Variants in PODXL observed in about 807,000 individuals in gnomAD.
The protein encoded by PODXL is podocalyxin.
In PODXL, 20 loss-of-function variants were observed where a neutral mutation model predicts 48.9. The observed-to-expected ratio is 0.41, with a 90% confidence interval of 0.29 to 0.59. The LOEUF (loss-of-function observed/expected upper bound fraction) is 0.59. Among genes scored for constraint, PODXL ranks in the 20% least tolerant of loss-of-function variants. The pLI, the probability that PODXL is intolerant of heterozygous loss-of-function variation, is 0.31. For synonymous variants in PODXL, 295 were observed against 287.4 expected (o/e 1.03, Z -0.27); for missense variants, 606 against 675.1 (o/e 0.90, Z 1.13).
chr7:131,538,148 C>T (rs149362028), intron 1 of PODXL, among the ~76,000 whole-genome samples: 135 of 152,258 alleles, frequency 8.9e-4, no homozygotes, highest in African/African-American at 3.0e-3. Flanking sequence ...AGGAGACCAG[C>T]TCCTGGCCCC....
At position 131,509,473 on chromosome 7, in the gene PODXL, C is replaced by T. The variant is rs1258646575; in HGVS notation, c.915G>A (p.Leu305=). ...TVQPTSPATA[L]RTPTLPETMS... ...TGGTCTCTGGCAGGGTAGGTGTTCTCAATGCCGTTGCCGGGCTCGTGGGCT... is the reference window on the plus strand; with the variant it reads ...TGGTCTCTGGCAGGGTAGGTGTTCTTAATGCCGTTGCCGGGCTCGTGGGCT... Residue 305 remains leucine, a synonymous_variant, in exon 4 of 9, where the codon TTG becomes TTA. Transcript: ENST00000378555. 5 of 1,613,994 alleles carry T rather than the reference C, an allele frequency of 3.1e-6. No homozygotes were observed. The highest frequency in any genetic ancestry group is 2.7e-5 in the African/African-American group (2 of 75,008).
At chr7:131,521,023 C>T (rs938605367) in intron 1 of PODXL, among the ~76,000 whole-genome samples, 3 of 152,150 alleles carry the variant, frequency 2.0e-5, no homozygotes, top group Admixed American at 6.5e-5. Flanking sequence ...CAAAAATTAG[C>T]CGGGCGTGGT....
At chr7:131,545,418 A>T (rs1798559345) in intron 1 of PODXL, among the ~76,000 whole-genome samples, 1 of 152,194 alleles carries the variant, frequency 6.6e-6, no homozygotes, top group Admixed American at 6.5e-5. Flanking sequence ...TTTACGCAGG[A>T]CTGTCTGGGT....
intron 1 of PODXL, among the ~76,000 whole-genome samples, chr7:131,530,504 G>A (rs975326057): frequency 2.6e-5 from 4 of 152,076 alleles, no homozygotes; most frequent in African/African-American, 9.7e-5. Flanking sequence ...CAGCAATTTG[G>A]GAAGCCAAGG....
chr7:131,526,228 G>A (rs1388927073), intron 1 of PODXL, among the ~76,000 whole-genome samples: 2 of 152,048 alleles, frequency 1.3e-5, no homozygotes, highest in Non-Finnish European at 2.9e-5. Context: ...AAAATGAAAC[G>A]AAGAGGAAGG....
At chr7:131,537,245 G>A (rs1404840369) in intron 1 of PODXL, among the ~76,000 whole-genome samples, 2 of 152,044 alleles carry the variant, frequency 1.3e-5, no homozygotes, top group African/African-American at 2.4e-5. Context: ...CCAGGAGGTC[G>A]AGGCTGCAGT....
chr7:131,510,026 C>T (rs1439888931), intron 3 of PODXL, among the ~76,000 whole-genome samples: 2 of 152,160 alleles, frequency 1.3e-5, no homozygotes, highest in Non-Finnish European at 2.9e-5. Context: ...CGGTGGCCTG[C>T]TGACTTCAGA....
At position 131,508,984 on chromosome 7, in the gene PODXL, C is replaced by A; in HGVS notation, c.1068G>T (p.Gln356His). 6.2e-7 allele frequency: 1 copy of A among 1,614,022 alleles called. No individual in the cohort carries two copies. The highest frequency in any genetic ancestry group is 8.5e-7 in the Non-Finnish European group (1 of 1,179,922). ...DLETQTQSEKQLVLNLTGNTL... is the reference protein window; with the variant it reads ...DLETQTQSEKHLVLNLTGNTL... ...TGTTTCCTGTGAGGTTCAGGACGAGCTGCTTCTCACTCTGTGTCTGTGTCT... is the reference window on the plus strand; with the variant it reads ...TGTTTCCTGTGAGGTTCAGGACGAGATGCTTCTCACTCTGTGTCTGTGTCT... The change falls in exon 5 of 9, where the codon CAG becomes CAT. Residue 356 changes from glutamine to histidine, a missense_variant. Gln to His is a conservative substitution (Grantham distance 24, BLOSUM62 0). Coordinates refer to ENST00000378555, the MANE Select transcript of PODXL (RefSeq NM_001018111.3).
At chr7:131,518,771 G>C (rs1041102770) in intron 1 of PODXL, among the ~76,000 whole-genome samples, 5 of 152,252 alleles carry the variant, frequency 3.3e-5, no homozygotes, top group African/African-American at 1.2e-4. Context: ...ACAGAAACGT[G>C]GCAGCCTGGA....
chr7:131,504,987 T>C (rs1474029369), intron 8 of PODXL, among the ~76,000 whole-genome samples: 1 of 152,154 alleles, frequency 6.6e-6, no homozygotes, highest in Non-Finnish European at 1.5e-5. Flanking sequence ...TTTCTGTCCC[T>C]CTCAAACACA....
rs1268984999 is a variant in PODXL at position 131,529,959 on chromosome 7, TTGCGCTGGGCCTCCCTAGGGGTATAGGC to T, written c.101-18554_101-18527del. 1.6e-4 allele frequency among the ~76,000 whole-genome samples: 24 copies of T among 151,456 alleles called. No individual in the cohort carries two copies. The South Asian group carries it at 3.2e-3, about 20-fold the overall frequency. On this transcript the variant is annotated intron_variant, in intron 1 of 8. Coordinates refer to ENST00000378555, the MANE Select transcript of PODXL (RefSeq NM_001018111.3). The stretch of plus-strand genomic sequence containing the variant: ...TCCCTAGGGGTATAGGCGGGAGGGC[TTGCGCTGGGCCTCCCTAGGGGTATAGGC>T]GGGGCCTTTCCAAGGGCTGCCCAAC...
chr7:131,546,097 C>T lies in PODXL; in HGVS notation c.100+10163G>A, dbSNP rs76601231. Among the ~76,000 whole-genome samples the T allele has an allele frequency of 9.8e-3, 1,499 of 152,326 alleles. 11 individuals carry two copies. The highest frequency in any genetic ancestry group is 0.017 in the Non-Finnish European group (1,131 of 68,040). On this transcript the variant is annotated intron_variant, in intron 1 of 8. Transcript: ENST00000378555. ...TCCATGCACCTCCCCCATGCCCTCC[C>T]TTTCCTGAGAAGGAAAATGGAGAGC... is the stretch of plus-strand genomic sequence containing the variant.
chr7:131,505,282 A>G (rs1047317462), intron 8 of PODXL, among the ~76,000 whole-genome samples: 1 of 152,186 alleles, frequency 6.6e-6, no homozygotes, highest in African/African-American at 2.4e-5. Flanking sequence ...TGCTGTGCAG[A>G]TGAGGAACCT....
At chr7:131,523,239 T>A (rs1798116249) in intron 1 of PODXL, among the ~76,000 whole-genome samples, 1 of 152,208 alleles carries the variant, frequency 6.6e-6, no homozygotes, top group Non-Finnish European at 1.5e-5. Context: ...AAATAGTATC[T>A]CACTGTGGTT....
At chr7:131,510,404 G>A (rs951358756) in intron 2 of PODXL, 73 bp from the exon 3 acceptor site, 5 of 272,046 alleles carry the variant, frequency 1.8e-5, no homozygotes, top group Admixed American at 5.0e-5. Context: ...CCAGCTACTC[G>A]GGAGGCTGAG....
Position 131,505,765 on chromosome 7 carries a change from AG to A in PODXL, c.1479+102del, listed in dbSNP as rs879146743. On this transcript the variant is annotated intron_variant, in intron 8 of 8. Coordinates refer to ENST00000378555, the MANE Select transcript of PODXL (RefSeq NM_001018111.3). ...GGCCTCTGCCTGTTAGAAAGGGTCCAGGGCCTGCTCCCTTTCCTCTTCTGCA... is the reference window on the plus strand; with the variant it reads ...GGCCTCTGCCTGTTAGAAAGGGTCCAGGCCTGCTCCCTTTCCTCTTCTGCA... 1.1e-5 allele frequency: 13 copies of A among 1,183,702 alleles called. No individual in the cohort carries two copies. In the South Asian group the frequency reaches 1.7e-4, roughly 15 times the overall value. The allele number at this position is 1,183,702 out of a possible 1,614,324, so 73.3% of individuals were successfully genotyped here. A position where few individuals can be genotyped will look rare whatever the true frequency, so the allele number is the denominator to read the frequency against.
At chr7:131,521,318 G>A (rs576991352) in intron 1 of PODXL, among the ~76,000 whole-genome samples, 1 of 146,984 alleles carries the variant, frequency 6.8e-6, no homozygotes, top group South Asian at 2.2e-4. Context: ...GACAAAGTTC[G>A]TTAAGAAGAT....
rs1797703214 is a variant in PODXL, at chr7:131,501,543, CT to C, written c.*2767del. ...TTACAACGCAAAGAATATTCTGTAC[CT>C]CCTTCATAAGCTTTGCTGCCTGTCT... is the stretch of plus-strand genomic sequence containing the variant. On this transcript the variant is annotated 3_prime_UTR_variant, in exon 9 of 9. Transcript: ENST00000378555. 1 of 152,212 alleles carries C rather than the reference CT, an allele frequency of 6.6e-6. No homozygotes were observed. The highest frequency in any genetic ancestry group is 1.5e-5 in the Non-Finnish European group (1 of 68,016). The allele number at this position is 152,212 out of a possible 1,614,324, so 9.4% of individuals were successfully genotyped here.
In PODXL at chr7:131,505,960, T is replaced by C. The variant is rs1398461394; in HGVS notation, c.1387A>G (p.Ile463Val). 1 of 1,609,700 alleles carries C rather than the reference T, an allele frequency of 6.2e-7. No individual in the cohort carries two copies. The highest frequency in any genetic ancestry group is 1.7e-5 in the Admixed American group (1 of 59,292). ...EAEDRFSMPL[I>V]ITIVCMASFL... is the part of the protein sequence containing the mutation. ...GATGCCATGCAGACGATGGTGATGA[T>C]GAGGGGCATGCTGAAGCGGTCCTCG... is the stretch of plus-strand genomic sequence containing the variant. Residue 463 changes from isoleucine (I) to valine (V), a missense_variant, in exon 8 of 9, where the codon ATC becomes GTC. Ile to Val is a conservative substitution (Grantham distance 29, BLOSUM62 3). Transcript: ENST00000378555.
Sources: gnomAD v4.1 joint callset for allele counts (sites outside exome capture counted in the v4.1 genomes callset) on GRCh38, gnomAD v4.1.1 for gene constraint, MANE v1.5 for transcripts, NCBI Gene and HGNC (gene_info 2026-07-23, HGNC 2026-07-21) for gene names.